Variants in NF1 observed in about 807,000 individuals in gnomAD.
NF1 encodes neurofibromin 1.
In NF1, 122 loss-of-function variants were observed where a neutral mutation model predicts 325.7. The observed-to-expected ratio is 0.37, with a 90% confidence interval of 0.32 to 0.44. The LOEUF is 0.44. Ranked by LOEUF, NF1 falls within the 20% of genes least tolerant of loss-of-function variation. The pLI is 1.00. For missense variants in NF1, 2,140 were observed against 3,415.4 expected (o/e 0.63, Z 9.31); for synonymous variants, 1,091 against 1,186.0 (o/e 0.92, Z 1.65).
At chr17:31,213,308 A>G (rs1165448567) in intron 12 of NF1, among the ~76,000 whole-genome samples, 1 of 152,218 alleles carries the variant, frequency 6.6e-6, no homozygotes, top group Non-Finnish European at 1.5e-5. Context: ...TTCTGTAGTG[A>G]CATTCTTGAG....
At chr17:31,331,472 A>G (rs1444609910) in intron 39 of NF1, 1 of 152,198 alleles carries the variant, frequency 6.6e-6, no homozygotes, top group Non-Finnish European at 1.5e-5. Context: ...AATAGCTAAG[A>G]AAATATTGAA....
rs587781869 is a variant in NF1 at position 31,182,511 on chromosome 17, G to A, written c.734G>A (p.Cys245Tyr). ...YQIPQTDMAECAEKLFDLVDG... is the reference protein window; with the variant it reads ...YQIPQTDMAEYAEKLFDLVDG... Reference sequence around the variant, plus strand: ...ATTTAATATATTTTTCATGCAGAATGTGCAGAAAAGCTATTTGACTTGGTG... The same window carrying A: ...ATTTAATATATTTTTCATGCAGAATATGCAGAAAAGCTATTTGACTTGGTG... Residue 245 changes from cysteine (C) to tyrosine (Y), a missense_variant, in exon 8 of 58, where the codon TGT becomes TAT. Around this residue, in one of 10 missense-constraint regions of NF1, gnomAD observed 246 missense variants for 347.8 expected, o/e 0.71. Coordinates refer to ENST00000358273, the MANE Select transcript of NF1 (RefSeq NM_001042492.3). The A allele has an allele frequency of 2.5e-6, 4 of 1,613,930 alleles. No homozygotes were observed. The highest frequency in any genetic ancestry group is 2.2e-5 in the East Asian group (1 of 44,866).
rs112211477 is a variant in NF1, at chr17:31,230,094, G to A, written c.2990+120G>A. On this transcript the variant is annotated intron_variant, in intron 22 of 57. Coordinates refer to ENST00000358273, the MANE Select transcript of NF1 (RefSeq NM_001042492.3). ...CATTCTTTACTGCACACAAACTAGG[G>A]TGTGACAGTAAGGTAGCCAGAAGTT... 865 of 1,420,060 alleles carry A rather than the reference G, an allele frequency of 6.1e-4. 9 individuals are homozygous for A. In the African/African-American group the frequency reaches 0.011, roughly 18 times the overall value. The allele number at this position is 1,420,060 out of a possible 1,614,324, so 88.0% of individuals were successfully genotyped here.
At chr17:31,300,430 C>T (rs2068550013) in intron 36 of NF1, among the ~76,000 whole-genome samples, 1 of 151,932 alleles carries the variant, frequency 6.6e-6, no homozygotes, top group African/African-American at 2.4e-5. Flanking sequence ...ATAACTTGTT[C>T]TTCTTTTCTT....
At chr17:31,359,072 A>G in intron 56 of NF1, 57 bp downstream of exon 56, 1 of 1,355,154 alleles carries the variant, frequency 7.4e-7, no homozygotes, top group Non-Finnish European at 1.1e-6. Context: ...TGTTCAAATT[A>G]GTATGCCTGC....
chr17:31,146,506 ATCAAGTGC>A (rs1275094282), intron 1 of NF1, among the ~76,000 whole-genome samples: 1 of 152,176 alleles, frequency 6.6e-6, no homozygotes, highest in African/African-American at 2.4e-5. Context: ...ATGGGCGATA[ATCAAGTGC>A]TGGTTTTGGT....
At chr17:31,195,209 A>C (rs1406206807) in intron 8 of NF1, among the ~76,000 whole-genome samples, 2 of 151,978 alleles carry the variant, frequency 1.3e-5, no homozygotes, top group Non-Finnish European at 2.9e-5. Context: ...CTTCCTATTC[A>C]CTCTTGACCT....
Position 31,206,236 on chromosome 17 carries a change from C to T in NF1, c.1261-4C>T, listed in dbSNP as rs587781820. The T allele has an allele frequency of 3.1e-6, 5 of 1,613,608 alleles. No individual in the cohort carries two copies. Among genetic ancestry groups the T allele is most frequent in the Non-Finnish European group, 4.2e-6 (5 of 1,179,616 alleles). ...TCTTCCTATTGGTCTTTGTTTTTCT[C>T]TAGTCCGCATTGGATTGGTGGCCTA... On this transcript the variant is annotated splice_region_variant and splice_polypyrimidine_tract_variant and intron_variant, in intron 11 of 57. Coordinates refer to ENST00000358273, the MANE Select transcript of NF1 (RefSeq NM_001042492.3).
chr17:31,112,515 A>T (rs909987721), intron 1 of NF1, among the ~76,000 whole-genome samples: 2 of 151,980 alleles, frequency 1.3e-5, no homozygotes, highest in African/African-American at 4.8e-5. Flanking sequence ...TGTGGTTTTG[A>T]TTTGCATTTC....
At chr17:31,307,982 AT>A in intron 36 of NF1, 2 of 1,215,426 alleles carry the variant, frequency 1.6e-6, no homozygotes, top group Non-Finnish European at 2.2e-6. Context: ...AAGAAAAGAT[AT>A]GTGATTTTTT....
intron 1 of NF1, among the ~76,000 whole-genome samples, chr17:31,096,579 T>G (rs1054184378): frequency 6.6e-6 from 1 of 152,186 alleles, no homozygotes; most frequent in East Asian, 1.9e-4. Context: ...GGGAATTGTT[T>G]AAGATTGAGT....
intron 36 of NF1, among the ~76,000 whole-genome samples, chr17:31,302,879 G>C (rs2068608522): frequency 6.6e-6 from 1 of 151,982 alleles, no homozygotes; most frequent in South Asian, 2.1e-4. Context: ...ATACATGAAA[G>C]AAAATTTTTA....
In NF1 at chr17:31,377,621, T is replaced by G. The variant is rs2151604105; in HGVS notation, c.*3466T>G. The G allele has an allele frequency of 8.6e-6, 2 of 233,158 alleles. No homozygotes were observed. Among genetic ancestry groups the G allele is most frequent in the Middle Eastern group, 2.6e-3 (2 of 782 alleles). 14.4% of individuals were successfully genotyped at this position (233,158 alleles called of 1,614,324 possible). On this transcript the variant is annotated 3_prime_UTR_variant, in exon 58 of 58. Coordinates refer to ENST00000358273, the MANE Select transcript of NF1 (RefSeq NM_001042492.3). ...CTCACCCCATTTTCCTCCTTGTGTA[T>G]GTACTTCCCCCACCCCCCTTTTTTT...
chr17:31,196,205 G>T (rs558339813), intron 8 of NF1, among the ~76,000 whole-genome samples: 2 of 150,888 alleles, frequency 1.3e-5, no homozygotes, highest in Non-Finnish European at 1.5e-5. Flanking sequence ...CCTCATTCAC[G>T]TTTACTATTT....
At chr17:31,282,486 A>G (rs1314598693) in intron 36 of NF1, among the ~76,000 whole-genome samples, 29 of 151,910 alleles carry the variant, frequency 1.9e-4, no homozygotes. Context: ...GAAACCTCAT[A>G]GCCATCAACA....
At chr17:31,291,260 AGAAT>A (rs957415508) in intron 36 of NF1, among the ~76,000 whole-genome samples, 3 of 152,258 alleles carry the variant, frequency 2.0e-5, no homozygotes, top group South Asian at 4.1e-4. Flanking sequence ...GTTGAGTGAA[AGAAT>A]GAATGAATGA....
chr17:31,179,325 C>T (rs2066082685), intron 5 of NF1, among the ~76,000 whole-genome samples: 1 of 152,134 alleles, frequency 6.6e-6, no homozygotes, highest in South Asian at 2.1e-4. Flanking sequence ...GAGAAAAATA[C>T]ACAACGTACC....
chr17:31,324,099 G>A (rs966932677), intron 36 of NF1, among the ~76,000 whole-genome samples: 4 of 151,854 alleles, frequency 2.6e-5, no homozygotes, highest in Admixed American at 6.6e-5. Context: ...TTGGAATCTC[G>A]CTCTATCGCC....
intron 1 of NF1, among the ~76,000 whole-genome samples, chr17:31,134,061 T>G (rs995701846): frequency 2.0e-5 from 3 of 152,216 alleles, no homozygotes; most frequent in African/African-American, 7.2e-5. Context: ...TCATGCAGAC[T>G]AGAGTACAGT....
Sources: gnomAD v4.1 joint callset for allele counts (sites outside exome capture counted in the v4.1 genomes callset) on GRCh38, gnomAD v4.1.1 for gene constraint, gnomAD v4.1.1 regional missense constraint, MANE v1.5 for transcripts, NCBI Gene and HGNC (gene_info 2026-07-23, HGNC 2026-07-21) for gene names.